Variants in SMYD3 observed in about 807,000 individuals in gnomAD.
The protein encoded by SMYD3 is SET and MYND domain containing 3, also known as histone-lysine N-methyltransferase SMYD3.
In SMYD3, 36 loss-of-function variants were observed where a neutral mutation model predicts 57.7. That is an observed-to-expected ratio of 0.62 (90% CI 0.48 to 0.82). The LOEUF (loss-of-function observed/expected upper bound fraction) is 0.82. Among genes scored for constraint, SMYD3 ranks in the 40% least tolerant of loss-of-function variants. The pLI, the probability that SMYD3 is intolerant of heterozygous loss-of-function variation, is 0.00. For missense variants in SMYD3, 515 were observed against 538.8 expected (o/e 0.96, Z 0.44); for synonymous variants, 211 against 195.0 (o/e 1.08, Z -0.68).
intron 1 of SMYD3, among the ~76,000 whole-genome samples, chr1:246,372,502 T>G (rs991381336): frequency 6.6e-6 from 1 of 152,266 alleles, no homozygotes; most frequent in Non-Finnish European, 1.5e-5. Flanking sequence ...CAGATAATCT[T>G]ACTTCCTTTT....
intron 5 of SMYD3, among the ~76,000 whole-genome samples, chr1:246,301,883 G>C (rs566939165): frequency 1.3e-5 from 2 of 152,086 alleles, no homozygotes; most frequent in African/African-American, 4.8e-5. Context: ...GTTTAAGAGA[G>C]GGACAGAAAG....
intron 5 of SMYD3, among the ~76,000 whole-genome samples, chr1:246,185,329 C>T (rs556117120): frequency 6.6e-6 from 1 of 152,048 alleles, no homozygotes; most frequent in South Asian, 2.1e-4. Context: ...CTCCGCCTCC[C>T]GGGTTCAAGC....
At chr1:246,195,556 A>G (rs1460838099) in intron 5 of SMYD3, among the ~76,000 whole-genome samples, 2 of 152,298 alleles carry the variant, frequency 1.3e-5, no homozygotes, top group East Asian at 1.9e-4. Flanking sequence ...CCTAGACCAT[A>G]TGACATGTTG....
At chr1:246,351,792 T>C (rs996530737) in intron 2 of SMYD3, among the ~76,000 whole-genome samples, 2 of 152,204 alleles carry the variant, frequency 1.3e-5, no homozygotes, top group Non-Finnish European at 2.9e-5. Flanking sequence ...TGTATGATTC[T>C]ATATGGTGTT....
chr1:246,383,896 T>C (rs2066428539), intron 1 of SMYD3, among the ~76,000 whole-genome samples: 3 of 152,326 alleles, frequency 2.0e-5, no homozygotes, highest in Non-Finnish European at 4.4e-5. Flanking sequence ...GTTATTGATA[T>C]CTTCAATACA....
intron 10 of SMYD3, among the ~76,000 whole-genome samples, chr1:245,815,067 T>A (rs2048725746): frequency 6.6e-6 from 1 of 152,200 alleles, no homozygotes; most frequent in Admixed American, 6.5e-5. Context: ...TCTTGATCCA[T>A]CCGCTAAATC....
At chr1:245,814,217 A>G (rs1476429942) in intron 10 of SMYD3, 1 of 217,202 alleles carries the variant, frequency 4.6e-6, no homozygotes, top group Non-Finnish European at 7.8e-6. Context: ...TTCTGAGGAC[A>G]AGGACCTGCA....
chr1:246,123,080 T>C (rs1030506820), intron 5 of SMYD3, among the ~76,000 whole-genome samples: 14 of 152,244 alleles, frequency 9.2e-5, no homozygotes, highest in African/African-American at 3.1e-4. Context: ...TATCCTCTTT[T>C]ACCCTGTTCT....
intron 8 of SMYD3, among the ~76,000 whole-genome samples, chr1:245,885,102 C>T (rs529266964): frequency 1.6e-4 from 24 of 152,294 alleles, no homozygotes; most frequent in Admixed American, 6.5e-4. Context: ...ACTCTGTACA[C>T]GCCACCTTTA....
intron 5 of SMYD3, among the ~76,000 whole-genome samples, chr1:245,933,089 C>T (rs771448026): frequency 1.6e-4 from 24 of 152,040 alleles, no homozygotes; most frequent in Admixed American, 1.1e-3. Context: ...GATAATATGT[C>T]CATGTGTGCT....
chr1:246,332,183 A>G (rs1242671529), intron 3 of SMYD3, among the ~76,000 whole-genome samples: 1 of 152,246 alleles, frequency 6.6e-6, no homozygotes, highest in Admixed American at 6.5e-5. Context: ...GATATAGACC[A>G]TAAGTCAGGC....
chr1:245,761,853 T>C (rs2045859703), intron 11 of SMYD3, among the ~76,000 whole-genome samples: 1 of 147,454 alleles, frequency 6.8e-6, no homozygotes, highest in African/African-American at 2.6e-5. Context: ...TGGTGCAATC[T>C]TGGCTCACTG....
chr1:245,900,565 C>T (rs1348772168), intron 8 of SMYD3, among the ~76,000 whole-genome samples: 1 of 152,196 alleles, frequency 6.6e-6, no homozygotes, highest in Non-Finnish European at 1.5e-5. Flanking sequence ...TCGCTGCTGT[C>T]ATCTTGGATT....
intron 5 of SMYD3, among the ~76,000 whole-genome samples, chr1:246,147,564 G>A (rs1413982982): frequency 6.6e-6 from 1 of 152,042 alleles, no homozygotes; most frequent in African/African-American, 2.4e-5. Context: ...GGCTCCGTGG[G>A]TGCCACTGCA....
chr1:246,503,735 G>A lies in SMYD3; in HGVS notation c.164+3319C>T, dbSNP rs560844977. ...CCCAGCACTTAAGGAGGCTGAGGCGGGTAGATCACCTGAGGTCAGGAGTTT... is the reference window on the plus strand; with the variant it reads ...CCCAGCACTTAAGGAGGCTGAGGCGAGTAGATCACCTGAGGTCAGGAGTTT... On this transcript the variant is annotated intron_variant, in intron 1 of 11. Coordinates refer to ENST00000490107, the MANE Select transcript of SMYD3 (RefSeq NM_001167740.2). Among the ~76,000 whole-genome samples the A allele has an allele frequency of 5.1e-4, 78 of 152,260 alleles. No homozygotes were observed. The South Asian group carries it at 7.5e-3, about 15-fold the overall frequency.
intron 4 of SMYD3, among the ~76,000 whole-genome samples, 171 bp downstream of exon 4, chr1:246,330,309 C>A (rs987945766): frequency 6.6e-6 from 1 of 152,088 alleles, no homozygotes; most frequent in Non-Finnish European, 1.5e-5. Context: ...ACGAAGCTAC[C>A]CTGGAATAAG....
chr1:245,952,792 G>A (rs2057702829), intron 5 of SMYD3, among the ~76,000 whole-genome samples: 1 of 152,164 alleles, frequency 6.6e-6, no homozygotes, highest in Non-Finnish European at 1.5e-5. Flanking sequence ...CTACGCACTC[G>A]AGCAGAACGC....
intron 5 of SMYD3, among the ~76,000 whole-genome samples, chr1:246,186,466 C>G (rs1026332961): frequency 6.6e-6 from 1 of 152,150 alleles, no homozygotes; most frequent in African/African-American, 2.4e-5. Context: ...GTAGACAAAA[C>G]ATGCTCTTTT....
rs1553364007 is a variant in SMYD3 at position 245,924,678 on chromosome 1, T to TC, written c.702+3252dup. ...AGCTTTTTTTTTTTTTTTTTTTTTT[T>TC]CTGAGATGGAGTTTCACTCTGTCGC... On this transcript the variant is annotated intron_variant, in intron 7 of 11. Coordinates refer to ENST00000490107, the MANE Select transcript of SMYD3 (RefSeq NM_001167740.2). Among the ~76,000 whole-genome samples the TC allele has an allele frequency of 8.5e-4, 65 of 76,836 alleles. No individual in the cohort carries two copies. In the East Asian group the frequency reaches 0.012, roughly 14 times the overall value. 50.4% of individuals were successfully genotyped at this position (76,836 alleles called of 152,430 possible). A position where few individuals can be genotyped will look rare whatever the true frequency, so the allele number is the denominator to read the frequency against.
Sources: gnomAD v4.1 joint callset for allele counts (sites outside exome capture counted in the v4.1 genomes callset) on GRCh38, gnomAD v4.1.1 for gene constraint, MANE v1.5 for transcripts, NCBI Gene and HGNC (gene_info 2026-07-23, HGNC 2026-07-21) for gene names.